The following ADCY3 variants were observed in gnomAD, a reference collection of about 807,000 sequenced individuals.
ADCY3 encodes the protein adenylate cyclase type 3.
ADCY3 carries 70 observed loss-of-function variants against 119.4 expected under a neutral mutation model. That is an observed-to-expected ratio of 0.59 (90% CI 0.48 to 0.72). The LOEUF (loss-of-function observed/expected upper bound fraction) is 0.72, where lower values mean the gene tolerates loss of function less well. Among genes scored for constraint, ADCY3 ranks in the 30% least tolerant of loss-of-function variants. The probability of loss-of-function intolerance (pLI) is 0.00; values close to 1 mark genes in which losing one functional copy is unlikely to be tolerated. For synonymous variants in ADCY3, 672 were observed against 621.4 expected (o/e 1.08, Z -1.21); for missense variants, 1,238 against 1,541.6 (o/e 0.80, Z 3.30).
At chr2:24,914,586 A>T (rs1664208718) in intron 2 of ADCY3, among the ~76,000 whole-genome samples, 1 of 152,028 alleles carries the variant, frequency 6.6e-6, no homozygotes, top group African/African-American at 2.4e-5. Context: ...GAGGCAGCAG[A>T]ATCACTTGAA....
At position 24,830,187 on chromosome 2, in the gene ADCY3, T is replaced by C. The variant is rs1337296636; in HGVS notation, c.2172+522A>G. ...TCCCAAGTAGCTGGGATTACAGGTG[T>C]GCACCACCATGCCTGGCTAATTTTT... is the stretch of plus-strand genomic sequence containing the variant. On this transcript the variant is annotated intron_variant, in intron 13 of 21. Transcript: ENST00000679454. Among the ~76,000 whole-genome samples, 25 of 151,144 alleles carry C rather than the reference T, an allele frequency of 1.7e-4. 2 individuals are homozygous for C. Among genetic ancestry groups the C allele is most frequent in the African/African-American group, 5.9e-4 (24 of 40,956 alleles).
Position 24,841,140 on chromosome 2 carries a change from C to T in ADCY3, c.1196+119G>A, listed in dbSNP as rs1404909059. On this transcript the variant is annotated intron_variant, in intron 6 of 21. Coordinates refer to ENST00000679454, the MANE Select transcript of ADCY3 (RefSeq NM_004036.5). This position sits in a 1 kb window ranked among gnomAD's most constrained non-coding sequence, Gnocchi z 5.8. ...ATCAACCAGTGCTGTGTCCCAGTCT[C>T]TGCTTCCAGCAGATCCCCCACCCAG... The T allele has an allele frequency of 5.0e-6, 6 of 1,209,446 alleles. No individual in the cohort carries two copies. The highest frequency in any genetic ancestry group is 6.7e-6 in the Non-Finnish European group (6 of 894,592). 74.9% of individuals were successfully genotyped at this position (1,209,446 alleles called of 1,614,324 possible). A position where few individuals can be genotyped will look rare whatever the true frequency, so the allele number is the denominator to read the frequency against.
chr2:24,834,423 G>GCCCCCC lies in ADCY3; in HGVS notation c.1967+56_1967+61dup. ...GGCTCCCGCTGAGACACCTGCCCCCGCCCCCCGCCCGGCACCACCGCAGCC... is the reference window on the plus strand; with the variant it reads ...GGCTCCCGCTGAGACACCTGCCCCCGCCCCCCCCCCCCGCCCGGCACCACCGCAGCC... On this transcript the variant is annotated intron_variant, in intron 11 of 21. Coordinates refer to ENST00000679454, the MANE Select transcript of ADCY3 (RefSeq NM_004036.5). The surrounding 1 kb of genome is among the most constrained non-coding windows in gnomAD (Gnocchi z 4.2). 5.0e-6 allele frequency: 7 copies of GCCCCCC among 1,388,734 alleles called. No individual in the cohort carries two copies. The highest frequency in any genetic ancestry group is 2.5e-5 in the Admixed American group (1 of 40,516). 86.0% of individuals were successfully genotyped at this position (1,388,734 alleles called of 1,614,324 possible).
rs570760594 is a variant in ADCY3 at position 24,838,935 on chromosome 2, T to C, written c.1356-313A>G. On this transcript the variant is annotated intron_variant, in intron 7 of 21. Transcript: ENST00000679454. ...CCGCTGTAAAGCAGATCAAATGCGA[T>C]AAGGAATTTTTTTTTTTTTTTTTTT... is the stretch of plus-strand genomic sequence containing the variant. 9.5e-5 allele frequency: 139 copies of C among 1,455,772 alleles called. 1 individual carries two copies. The Middle Eastern group carries it at 1.0e-3, about 11-fold the overall frequency. 90.2% of individuals were successfully genotyped at this position (1,455,772 alleles called of 1,614,324 possible).
At chr2:24,895,329 C>T (rs995738774) in intron 2 of ADCY3, among the ~76,000 whole-genome samples, 11 of 152,044 alleles carry the variant, frequency 7.2e-5, no homozygotes, top group Admixed American at 5.9e-4. Context: ...CATTGTGATC[C>T]GCCCACCTCA....
chr2:24,831,653 G>C lies in ADCY3; in HGVS notation c.2055+9C>G, dbSNP rs1236063625. 1 of 1,611,854 alleles carries C rather than the reference G, an allele frequency of 6.2e-7. No homozygotes were observed. Among genetic ancestry groups the C allele is most frequent in the Admixed American group, 1.7e-5 (1 of 59,982 alleles). ...AGGCTTCTGAGCTCAGTAGAAAAGT[G>C]CCTCTTACCCGGGGAAAGATGGCAG... On this transcript the variant is annotated intron_variant, in intron 12 of 21. Coordinates refer to ENST00000679454, the MANE Select transcript of ADCY3 (RefSeq NM_004036.5).
intron 2 of ADCY3, among the ~76,000 whole-genome samples, chr2:24,911,095 A>G (rs1663559788): frequency 6.6e-6 from 1 of 151,970 alleles, no homozygotes; most frequent in South Asian, 2.1e-4. Context: ...TTCCTTGAAG[A>G]TGCCCCCAAA....
At chr2:24,837,787 C>T (rs919409117) in intron 8 of ADCY3, among the ~76,000 whole-genome samples, 1 of 152,124 alleles carries the variant, frequency 6.6e-6, no homozygotes, top group Non-Finnish European at 1.5e-5. Flanking sequence ...GGTGGACAGA[C>T]CTGGGGAAGC....
At chr2:24,833,135 C>G (rs1318721187) in intron 11 of ADCY3, among the ~76,000 whole-genome samples, 1 of 152,242 alleles carries the variant, frequency 6.6e-6, no homozygotes, top group Non-Finnish European at 1.5e-5. Context: ...TCACTAAGCG[C>G]TGTTCTCAGC....
In ADCY3 at chr2:24,872,453, G is replaced by C; in HGVS notation, c.825+117C>G. 7.9e-7 allele frequency: 1 copy of C among 1,267,372 alleles called. No individual in the cohort carries two copies. Among genetic ancestry groups the C allele is most frequent in the Non-Finnish European group, 1.1e-6 (1 of 912,144 alleles). The allele number at this position is 1,267,372 out of a possible 1,614,324, so 78.5% of individuals were successfully genotyped here. A position where few individuals can be genotyped will look rare whatever the true frequency, so the allele number is the denominator to read the frequency against. On this transcript the variant is annotated intron_variant, in intron 3 of 21. Transcript: ENST00000679454. This position sits in a 1 kb window ranked among gnomAD's most constrained non-coding sequence, Gnocchi z 4.4. Reference sequence around the variant, plus strand: ...AGTTCAGAAGCAAACACCTGAACAGGGTGGATGAACGCCAAGCCCCACGGA... The same window carrying C: ...AGTTCAGAAGCAAACACCTGAACAGCGTGGATGAACGCCAAGCCCCACGGA...
At chr2:24,890,895 T>C (rs1013215867) in intron 2 of ADCY3, among the ~76,000 whole-genome samples, 4 of 151,956 alleles carry the variant, frequency 2.6e-5, no homozygotes, top group Non-Finnish European at 4.4e-5. Flanking sequence ...TTTTTTGAGA[T>C]AGAGTCTGCT....
intron 3 of ADCY3, among the ~76,000 whole-genome samples, chr2:24,843,979 G>A (rs1671367700): frequency 6.6e-6 from 1 of 152,200 alleles, no homozygotes; most frequent in Admixed American, 6.5e-5. Flanking sequence ...GGCACTTGGG[G>A]GAGAATCCCA....
intron 2 of ADCY3, among the ~76,000 whole-genome samples, chr2:24,915,241 C>T (rs2149080107): frequency 6.6e-6 from 1 of 152,274 alleles, no homozygotes; most frequent in Admixed American, 6.5e-5. Flanking sequence ...GGAGGGAGTC[C>T]CCAGCCAGAG....
chr2:24,823,273 C>T lies in ADCY3; in HGVS notation c.2819G>A (p.Ser940Asn). 6.2e-7 allele frequency: 1 copy of T among 1,613,616 alleles called. No individual in the cohort carries two copies. The highest frequency in any genetic ancestry group is 1.7e-5 in the Admixed American group (1 of 59,844). Residue 940 changes from serine (S) to asparagine (N), a missense_variant, in exon 18 of 22, where the codon AGC (serine) becomes AAC (asparagine). Physicochemically the swap from Ser to Asn is conservative, Grantham distance 46. This residue lies in a region of ADCY3 where 37 missense variants were observed against 73.5 expected (regional missense o/e 0.50). Transcript: ENST00000679454. ...ACACTCAATACCACCATTGTTGATGCTCTCCTCTGTGTAGAAGTCAGCAAA... is the reference window on the plus strand; with the variant it reads ...ACACTCAATACCACCATTGTTGATGTTCTCCTCTGTGTAGAAGTCAGCAAA... ...PNFADFYTEE[S>N]INNGGIECLR...
intron 3 of ADCY3, among the ~76,000 whole-genome samples, chr2:24,844,584 GT>G (rs1369342261): frequency 1.3e-5 from 2 of 152,164 alleles, no homozygotes; most frequent in Non-Finnish European, 2.9e-5. Context: ...ACTCCTCTGG[GT>G]GGAGCTGCCA....
intron 3 of ADCY3, among the ~76,000 whole-genome samples, chr2:24,854,847 C>T (rs1351547789): frequency 6.6e-6 from 1 of 151,998 alleles, no homozygotes; most frequent in African/African-American, 2.4e-5. Flanking sequence ...GTCAAGAGTT[C>T]AAGACCAGCC....
intron 2 of ADCY3, among the ~76,000 whole-genome samples, chr2:24,909,182 G>A (rs904301874): frequency 5.9e-5 from 9 of 152,108 alleles, no homozygotes; most frequent in African/African-American, 7.2e-5. Context: ...CCCTACGTCC[G>A]TCCTGGTGGG....
intron 3 of ADCY3, among the ~76,000 whole-genome samples, chr2:24,864,536 C>T (rs543931770): frequency 6.6e-6 from 1 of 152,256 alleles, no homozygotes; most frequent in African/African-American, 2.4e-5. Context: ...AGATATCAGC[C>T]TTAACGGGAA....
intron 3 of ADCY3, among the ~76,000 whole-genome samples, chr2:24,866,591 A>AG (rs1674347389): frequency 6.6e-6 from 1 of 151,078 alleles, no homozygotes; most frequent in Non-Finnish European, 1.5e-5. Context: ...AAAAAGAAAA[A>AG]AAAAAAGGCC....
Sources: gnomAD v4.1 joint callset for allele counts (sites outside exome capture counted in the v4.1 genomes callset) on GRCh38, gnomAD v4.1.1 for gene constraint, gnomAD v4.1.1 regional missense constraint, Gnocchi (gnomAD v3.1) non-coding constraint, MANE v1.5 for transcripts, NCBI Gene and HGNC (gene_info 2026-07-23, HGNC 2026-07-21) for gene names.